The following KRT79 variants were observed in gnomAD, a reference collection of about 807,000 sequenced individuals.
KRT79 encodes keratin, type II cytoskeletal 79.
Under a neutral mutation model 49.0 loss-of-function variants are expected in KRT79, and 51 were observed. The observed-to-expected ratio is 1.04, with a 90% CI of 0.83 to 1.31. The LOEUF (loss-of-function observed/expected upper bound fraction) is 1.31, where lower values mean the gene tolerates loss of function less well. KRT79 is among the 40% of genes most tolerant of loss of function. KRT79 has a pLI of 0.00. For synonymous variants in KRT79, 312 were observed against 286.6 expected, an observed-to-expected ratio of 1.09 and a Z score of -0.90; for missense variants, 728 against 688.0, an observed-to-expected ratio of 1.06 and a Z score of -0.65.
chr12:52,824,219 G>A lies in KRT79; in HGVS notation c.999C>T (p.Ala333=), dbSNP rs141234590. The change falls in exon 5 of 9, where the codon GCC becomes GCT. Residue 333 remains alanine, a synonymous_variant. Coordinates refer to ENST00000330553, the MANE Select transcript of KRT79 (RefSeq NM_175834.3). ...TCACCTTGGTCTGGTACCAGGCCTC[G>A]GCCTCAGCCCGGCTCCTCTGGGCAA... is the stretch of plus-strand genomic sequence containing the variant. The part of the protein sequence containing the change: ...ELIAQRSRAE[A]EAWYQTKYEE... The A allele has an allele frequency of 1.7e-5, 28 of 1,614,068 alleles. No individual in the cohort carries two copies. The East Asian group carries it at 1.8e-4, about 10-fold the overall frequency.
chr12:52,831,332 G>A, intron 2 of KRT79, 74 bp downstream of exon 2: 10 of 1,419,644 alleles, frequency 7.0e-6, no homozygotes, highest in Non-Finnish European at 8.9e-6. Context: ...CCTGGGAATG[G>A]GGTGGCCCTC....
intron 2 of KRT79, chr12:52,830,507 G>A (rs549209138): frequency 3.5e-6 from 2 of 567,750 alleles, no homozygotes; most frequent in South Asian, 4.3e-5. Context: ...AAGAGGCACA[G>A]AATTTGTGCA....
intron 4 of KRT79, among the ~76,000 whole-genome samples, chr12:52,825,505 C>A (rs1176641593): frequency 2.0e-5 from 3 of 152,124 alleles, no homozygotes; most frequent in Non-Finnish European, 4.4e-5. Flanking sequence ...GATCACAAGC[C>A]AGTAAGTGAG....
chr12:52,830,558 G>T, intron 2 of KRT79: 1 of 473,858 alleles, frequency 2.1e-6, no homozygotes. Context: ...TTGGATCCAA[G>T]CCCTTAGGAG....
intron 2 of KRT79, among the ~76,000 whole-genome samples, chr12:52,830,885 G>T (rs1352357915): frequency 6.6e-6 from 1 of 152,126 alleles, no homozygotes; most frequent in Non-Finnish European, 1.5e-5. Flanking sequence ...ATGATATTGA[G>T]GAATTATTGT....
rs1305937745 is a variant in KRT79, at chr12:52,823,880, G to C, written c.1146+7C>G. The C allele has an allele frequency of 3.7e-6, 6 of 1,612,382 alleles. No individual in the cohort carries two copies. The highest frequency in any genetic ancestry group is 4.2e-6 in the Non-Finnish European group (5 of 1,179,624). On this transcript the variant is annotated splice_region_variant and intron_variant, in intron 6 of 8. Coordinates refer to ENST00000330553, the MANE Select transcript of KRT79 (RefSeq NM_175834.3). ...GCCAGACCCCCAAGCCCCCAGTAGA[G>C]TCCCACCTGCTTCTTGGCTGCATCA...
intron 4 of KRT79, among the ~76,000 whole-genome samples, chr12:52,829,758 G>A (rs990322322): frequency 6.6e-6 from 1 of 152,148 alleles, no homozygotes; most frequent in Middle Eastern, 3.2e-3. Context: ...AAAATTAGCT[G>A]GGCATGGTGG....
chr12:52,834,066 C>T lies in KRT79; in HGVS notation c.195G>A (p.Leu65=). 6.2e-7 allele frequency: 1 copy of T among 1,613,666 alleles called. No homozygotes were observed. The highest frequency in any genetic ancestry group is 1.1e-5 in the South Asian group (1 of 91,068). Residue 65 remains leucine, a synonymous_variant, in exon 1 of 9, where the codon TTG becomes TTA. Coordinates refer to ENST00000330553, the MANE Select transcript of KRT79 (RefSeq NM_175834.3). ...GGFGSRSLYN[L]GGHKSISVSV... ...TGACAGAGATACTCTTGTGGCCCCC[C>T]AAGTTATAGAGGCTTCGGCTGCCAA...
chr12:52,834,058 T>A lies in KRT79; in HGVS notation c.203A>T (p.His68Leu). ...GSRSLYNLGG[H>L]KSISVSVAGG... ...GGCCACACTGACAGAGATACTCTTG[T>A]GGCCCCCCAAGTTATAGAGGCTTCG... is the stretch of plus-strand genomic sequence containing the variant. Residue 68 changes from histidine to leucine, a missense_variant, in exon 1 of 9, where the codon CAC becomes CTC. By Grantham distance (99) the His-to-Leu change is moderately conservative. Coordinates refer to ENST00000330553, the MANE Select transcript of KRT79 (RefSeq NM_175834.3). 6.2e-7 allele frequency: 1 copy of A among 1,613,608 alleles called. No homozygotes were observed. The highest frequency in any genetic ancestry group is 8.5e-7 in the Non-Finnish European group (1 of 1,179,912).
At chr12:52,832,779 G>A (rs1017745413) in intron 1 of KRT79, among the ~76,000 whole-genome samples, 1 of 152,120 alleles carries the variant, frequency 6.6e-6, no homozygotes, top group African/African-American at 2.4e-5. Flanking sequence ...GAGTCCAGGG[G>A]CCTGGGTCCC....
rs769399303 is a variant in KRT79 at position 52,824,282 on chromosome 12, G to C, written c.936C>G (p.Asp312Glu). The stretch of plus-strand genomic sequence containing the variant: ...GGGCCTTGACCTCGGCGATGATGCT[G>C]TCCAGGTCCAGGTTGCGGTTGTTGT... ...SMDNNRNLDLDSIIAEVKAQY... is the reference protein window; with the variant it reads ...SMDNNRNLDLESIIAEVKAQY... Residue 312 changes from aspartate to glutamate, a missense_variant, in exon 5 of 9, where the codon GAC (aspartate) becomes GAG (glutamate). Coordinates refer to ENST00000330553, the MANE Select transcript of KRT79 (RefSeq NM_175834.3). The C allele has an allele frequency of 1.9e-6, 3 of 1,614,110 alleles. No individual in the cohort carries two copies. Among genetic ancestry groups the C allele is most frequent in the Middle Eastern group, 1.6e-4 (1 of 6,084 alleles).
intron 4 of KRT79, among the ~76,000 whole-genome samples, chr12:52,825,853 C>T (rs1019114506): frequency 2.6e-5 from 4 of 152,122 alleles, no homozygotes; most frequent in African/African-American, 9.7e-5. Flanking sequence ...TGCCTCAGTT[C>T]CCTCTTCTGT....
At chr12:52,822,133 GAGACCC>G in intron 8 of KRT79, 56 bp from the exon 9 acceptor site, 1 of 1,564,616 alleles carries the variant, frequency 6.4e-7, no homozygotes, top group Non-Finnish European at 8.8e-7. Flanking sequence ...AGGGCTGGGG[GAGACCC>G]AGAAATCAGT....
At chr12:52,833,560 A>T (rs921588668) in intron 1 of KRT79, among the ~76,000 whole-genome samples, 1 of 152,120 alleles carries the variant, frequency 6.6e-6, no homozygotes, top group Non-Finnish European at 1.5e-5. Context: ...AACCGGACTC[A>T]TGAGTAGACT....
intron 4 of KRT79, among the ~76,000 whole-genome samples, chr12:52,826,444 T>A (rs1940176718): frequency 6.8e-6 from 1 of 146,320 alleles, no homozygotes; most frequent in African/African-American, 2.6e-5. Flanking sequence ...GCCCAGGAGG[T>A]CGAGACTGTA....
Position 52,821,683 on chromosome 12 carries a change from C to T in KRT79, c.*189G>A. On this transcript the variant is annotated 3_prime_UTR_variant, in exon 9 of 9. Transcript: ENST00000330553. ...AACTTTAACCTTCCCTCCCATCCTA[C>T]TGCAGGACCAAGGAGAAAACCTGAG... 3.3e-6 allele frequency: 2 copies of T among 614,256 alleles called. No individual in the cohort carries two copies. Among genetic ancestry groups the T allele is most frequent in the Non-Finnish European group, 2.9e-6 (1 of 348,130 alleles). The allele number at this position is 614,256 out of a possible 1,614,324, so 38.1% of individuals were successfully genotyped here.
intron 4 of KRT79, among the ~76,000 whole-genome samples, chr12:52,825,264 G>A (rs1182547037): frequency 4.6e-5 from 7 of 152,172 alleles, no homozygotes; most frequent in Non-Finnish European, 1.0e-4. Context: ...TCCCTGATAG[G>A]TGGAGAACCT....
chr12:52,830,749 G>GT (rs1940241509), intron 2 of KRT79, among the ~76,000 whole-genome samples: 1 of 152,200 alleles, frequency 6.6e-6, no homozygotes, highest in Non-Finnish European at 1.5e-5. Flanking sequence ...GTGTTTAAAA[G>GT]TTATAAATAC....
In KRT79 at chr12:52,833,892, C is replaced by T. The variant is rs200838361; in HGVS notation, c.369G>A (p.Leu123=). 1 of 1,613,952 alleles carries T rather than the reference C, an allele frequency of 6.2e-7. No homozygotes were observed. Among genetic ancestry groups the T allele is most frequent in the East Asian group, 2.2e-5 (1 of 44,848 alleles). The stretch of plus-strand genomic sequence containing the variant: ...CAATCTCCACATGGAGGGGGGTCAG[C>T]AGGCTCTGGTTGACAGTGACCTCCT... ...GIQEVTVNQS[L]LTPLHVEIDP... Residue 123 remains leucine (L), a synonymous_variant, in exon 1 of 9, where the codon CTG becomes CTA. Coordinates refer to ENST00000330553, the MANE Select transcript of KRT79 (RefSeq NM_175834.3).
Sources: gnomAD v4.1 joint callset for allele counts (sites outside exome capture counted in the v4.1 genomes callset) on GRCh38, gnomAD v4.1.1 for gene constraint, MANE v1.5 for transcripts, NCBI Gene and HGNC (gene_info 2026-07-23, HGNC 2026-07-21) for gene names.